Variants in KLF12 observed in about 807,000 individuals in gnomAD.
KLF12 encodes the protein Krueppel-like factor 12.
A neutral mutation model predicts 37.8 loss-of-function variants in KLF12; 9 were observed. The ratio of observed to expected loss-of-function variants is 0.24; its 90% CI spans 0.14 to 0.42. KLF12 has a LOEUF of 0.42. Ranked by LOEUF, KLF12 falls within the 10% of genes least tolerant of loss-of-function variation. The pLI, the probability that KLF12 is intolerant of heterozygous loss-of-function variation, is 1.00. For missense variants in KLF12, 411 were observed against 516.0 expected, an observed-to-expected ratio of 0.80 and a Z score of 1.97; for synonymous variants, 208 against 202.1, an observed-to-expected ratio of 1.03 and a Z score of -0.25.
chr13:74,230,850 C>A, the KLF12 span, among the ~76,000 whole-genome samples: 1 of 152,196 alleles, frequency 6.6e-6, no homozygotes, highest in South Asian at 2.1e-4. Flanking sequence ...CAATGTGCCT[C>A]ATGGAATTTT....
chr13:73,981,409 A>T (rs1355232032), intron 2 of KLF12, among the ~76,000 whole-genome samples: 1 of 152,202 alleles, frequency 6.6e-6, no homozygotes, highest in African/African-American at 2.4e-5. Context: ...GTAGTCATAA[A>T]ATAGAATTCT....
At chr13:73,923,429 A>AC (rs1889220271) in intron 3 of KLF12, among the ~76,000 whole-genome samples, 2 of 152,122 alleles carry the variant, frequency 1.3e-5, no homozygotes, top group Non-Finnish European at 2.9e-5. Context: ...CATTTGTGCC[A>AC]CTCAGAATGT....
intron 1 of KLF12, among the ~76,000 whole-genome samples, chr13:74,130,394 C>T (rs922267167): frequency 8.5e-5 from 13 of 152,122 alleles, no homozygotes; most frequent in African/African-American, 1.9e-4. Context: ...TTGTAGCCAG[C>T]GCAGTCGCTG....
At chr13:74,154,614 G>T in the KLF12 span, among the ~76,000 whole-genome samples, 1 of 151,478 alleles carries the variant, frequency 6.6e-6, no homozygotes, top group Non-Finnish European at 1.5e-5. Flanking sequence ...CAAAGGGTGG[G>T]CAAGTGTCTT....
At chr13:73,793,251 G>A (rs1881786526) in intron 5 of KLF12, among the ~76,000 whole-genome samples, 1 of 152,184 alleles carries the variant, frequency 6.6e-6, no homozygotes, top group South Asian at 2.1e-4. Flanking sequence ...GGTCAGATGT[G>A]TGTGCGGTCT....
intron 4 of KLF12, among the ~76,000 whole-genome samples, chr13:73,823,971 A>T (rs907676541): frequency 1.3e-5 from 2 of 152,030 alleles, no homozygotes; most frequent in African/African-American, 2.4e-5. Flanking sequence ...TGGACTCCCA[A>T]AGTGCTGGGG....
intron 2 of KLF12, among the ~76,000 whole-genome samples, chr13:73,987,490 A>C (rs965012709): frequency 2.0e-5 from 3 of 152,024 alleles, no homozygotes; most frequent in African/African-American, 7.2e-5. Context: ...AAATATAATA[A>C]TTACTTTGGT....
intron 3 of KLF12, among the ~76,000 whole-genome samples, chr13:73,898,283 G>A: frequency 6.6e-6 from 1 of 152,120 alleles, no homozygotes; most frequent in East Asian, 1.9e-4. Context: ...ATTAACCGAT[G>A]TTAAACAATG....
At position 73,834,494 on chromosome 13, in the gene KLF12, T is replaced by C. The variant is rs56908919; in HGVS notation, c.670+11333A>G. ...CCAAGACATAACTGTCCATTGCATT[T>C]ATTTTCATTTTATCTTATTTTATTT... On this transcript the variant is annotated intron_variant, in intron 4 of 7. Coordinates refer to ENST00000377669, the MANE Select transcript of KLF12 (RefSeq NM_007249.5). Among the ~76,000 whole-genome samples the C allele has an allele frequency of 9.7e-3, 1,481 of 152,334 alleles. 19 individuals carry two copies. Among genetic ancestry groups the C allele is most frequent in the African/African-American group, 0.033 (1,370 of 41,578 alleles).
chr13:73,715,774 G>T (rs563504932), intron 6 of KLF12, among the ~76,000 whole-genome samples: 35 of 152,256 alleles, frequency 2.3e-4, no homozygotes, highest in African/African-American at 8.2e-4. Flanking sequence ...AACAAAAACT[G>T]AAAGTAAATG....
At chr13:74,143,456 A>C in the KLF12 span, among the ~76,000 whole-genome samples, 2 of 150,286 alleles carry the variant, frequency 1.3e-5, no homozygotes, top group African/African-American at 4.9e-5. Flanking sequence ...TATTTTTTAA[A>C]CCAACAGCTA....
At chr13:74,172,142 G>GACACACACACAC in the KLF12 span, among the ~76,000 whole-genome samples, 16,232 of 145,838 alleles carry the variant, frequency 0.11, 1,143 homozygotes, top group East Asian at 0.19. Context: ...TTTTCCTCAC[G>GACACACACACAC]ACACACACAC....
intron 4 of KLF12, among the ~76,000 whole-genome samples, chr13:73,821,793 C>G (rs1883540800): frequency 6.6e-6 from 1 of 152,106 alleles, no homozygotes; most frequent in Non-Finnish European, 1.5e-5. Context: ...TTTATCTAGC[C>G]ATTTCCTTCC....
chr13:73,982,789 C>G (rs1259735830), intron 2 of KLF12, among the ~76,000 whole-genome samples: 1 of 152,054 alleles, frequency 6.6e-6, no homozygotes, highest in Non-Finnish European at 1.5e-5. Context: ...ATAGTTAAGT[C>G]CTGTAAACCA....
chr13:74,277,058 G>C, the KLF12 span, among the ~76,000 whole-genome samples: 1 of 152,162 alleles, frequency 6.6e-6, no homozygotes, highest in Non-Finnish European at 1.5e-5. Flanking sequence ...ATCTGTTTCT[G>C]TCTTGGGATC....
intron 1 of KLF12, among the ~76,000 whole-genome samples, chr13:74,119,051 G>C (rs1053916829): frequency 6.6e-6 from 1 of 152,040 alleles, no homozygotes; most frequent in East Asian, 1.9e-4. Context: ...AAATTACAAG[G>C]GCAGGGCACA....
the KLF12 span, among the ~76,000 whole-genome samples, chr13:74,238,908 T>C: frequency 2.6e-5 from 4 of 151,102 alleles, no homozygotes; most frequent in Middle Eastern, 3.4e-3. Context: ...GATTCATTAA[T>C]TTTTTGAAGG....
the KLF12 span, among the ~76,000 whole-genome samples, chr13:74,283,728 C>T: frequency 2.6e-5 from 4 of 152,044 alleles, no homozygotes; most frequent in South Asian, 2.1e-4. Context: ...CTCACCTGAC[C>T]GATGTGAGAT....
intron 1 of KLF12, among the ~76,000 whole-genome samples, chr13:74,083,336 T>C (rs1315519080): frequency 2.0e-5 from 3 of 152,076 alleles, no homozygotes; most frequent in African/African-American, 4.8e-5. Context: ...CAAAACACTG[T>C]GTCTAAAAAG....
Sources: allele counts gnomAD v4.1 joint callset (sites outside exome capture counted in the v4.1 genomes callset), GRCh38; gene constraint gnomAD v4.1.1; transcripts MANE v1.5; gene names NCBI Gene and HGNC (gene_info 2026-07-23, HGNC 2026-07-21).